PRLHR: variants seen among roughly 807,000 people sequenced by gnomAD.
The protein encoded by PRLHR is prolactin-releasing peptide receptor.
PRLHR carries 10 observed loss-of-function variants against 9.3 expected under a neutral mutation model. The ratio of observed to expected loss-of-function variants is 1.08; its 90% CI spans 0.66 to 1.82. The LOEUF is 1.82. Ranked by LOEUF, PRLHR falls within the 40% of genes most tolerant of loss-of-function variation. PRLHR has a pLI of 0.00. For missense variants in PRLHR, 589 were observed against 512.0 expected (o/e 1.15, Z -1.45); for synonymous variants, 261 against 249.3 (o/e 1.05, Z -0.44).
rs1222918734 is a variant in PRLHR, at chr10:118,590,155, A to G, written c.*3977T>C. 3 of 152,214 alleles carry G rather than the reference A, an allele frequency of 2.0e-5. No homozygotes were observed. The highest frequency in any genetic ancestry group is 2.9e-5 in the Non-Finnish European group (2 of 68,044). The allele number at this position is 152,214 out of a possible 1,614,324, so 9.4% of individuals were successfully genotyped here. On this transcript the variant is annotated 3_prime_UTR_variant, in exon 2 of 2. Transcript: ENST00000239032. ...ATCAATCAAGAACCTGCCTTGGGAA[A>G]CAAAGGTGCTCCTGACCTCTCGTCT...
In PRLHR at chr10:118,593,991, C is replaced by A. The variant is rs762288465; in HGVS notation, c.*141G>T. ...CACAAGGACAAGACAGACAGCCGGA[C>A]AAGAGGGCTGGGCTGGAAATGTTGC... is the stretch of plus-strand genomic sequence containing the variant. On this transcript the variant is annotated 3_prime_UTR_variant, in exon 2 of 2. Transcript: ENST00000239032. 1.5e-6 allele frequency: 2 copies of A among 1,315,740 alleles called. No individual in the cohort carries two copies. Among genetic ancestry groups the A allele is most frequent in the South Asian group, 2.3e-5 (1 of 43,738 alleles). 81.5% of individuals were successfully genotyped at this position (1,315,740 alleles called of 1,614,324 possible). A position where few individuals can be genotyped will look rare whatever the true frequency, so the allele number is the denominator to read the frequency against.
chr10:118,594,676 A>AGCACCGCGGACAGCGCCC lies in PRLHR; in HGVS notation c.551_568dup (p.Val189_Leu190insArgAlaLeuSerAlaVal). 2 of 1,586,996 alleles carry AGCACCGCGGACAGCGCCC rather than the reference A, an allele frequency of 1.3e-6. No homozygotes were observed. The highest frequency in any genetic ancestry group is 1.7e-6 in the Non-Finnish European group (2 of 1,169,868). On this transcript the variant is annotated inframe_insertion, in exon 2 of 2. Coordinates refer to ENST00000239032, the MANE Select transcript of PRLHR (RefSeq NM_004248.3). ...GGTGTGCACGGCGGCGGGCAGCGCCAGCACCGCGGACAGCGCCCAGATGGC... is the reference window on the plus strand; with the variant it reads ...GGTGTGCACGGCGGCGGGCAGCGCCAGCACCGCGGACAGCGCCCGCACCGCGGACAGCGCCCAGATGGC...
At position 118,594,967 on chromosome 10, in the gene PRLHR, T is replaced by C. The variant is rs1844478550; in HGVS notation, c.278A>G (p.Asn93Ser). 1 of 1,613,646 alleles carries C rather than the reference T, an allele frequency of 6.2e-7. No individual in the cohort carries two copies. ...LVIARVRRLH[N>S]VTNFLIGNLA... ...GTTGCCGATGAGGAAGTTCGTCACG[T>C]TGTGCAGCCGGCGCACCCGCGCGAT... The change falls in exon 2 of 2, where the codon AAC (asparagine) becomes AGC (serine). Residue 93 changes from asparagine (N) to serine (S), a missense_variant. Transcript: ENST00000239032.
Position 118,595,021 on chromosome 10 carries a change from A to G in PRLHR, c.224T>C (p.Leu75Pro). The G allele has an allele frequency of 6.2e-7, 1 of 1,612,692 alleles. No individual in the cohort carries two copies. Among genetic ancestry groups the G allele is most frequent in the Non-Finnish European group, 8.5e-7 (1 of 1,179,358 alleles). Residue 75 changes from leucine (L) to proline (P), a missense_variant, in exon 2 of 2, where the codon CTG becomes CCG. Leu to Pro is a moderately conservative substitution (Grantham distance 98). Transcript: ENST00000239032. ...LLYSVVVVVG[L>P]VGNCLLVLVI... ...CAGCACCAGCAGGCAGTTGCCCACC[A>G]GCCCCACGACCACCACGACGCTGTA...
rs2133394066 is a variant in PRLHR, at chr10:118,594,771, G to A, written c.474C>T (p.Asp158=). 1 of 1,611,074 alleles carries A rather than the reference G, an allele frequency of 6.2e-7. No homozygotes were observed. ...GCGGGTGCACCAGCACGACGTAGCG[G>A]TCCACTGCGATGGTGGTGAGCGTGA... ...SVFTLTTIAV[D]RYVVLVHPLR... Residue 158 remains aspartate (D), a synonymous_variant, in exon 2 of 2, where the codon GAC becomes GAT. Transcript: ENST00000239032.
rs771908135 is a variant in PRLHR, at chr10:118,594,624, G to C, written c.621C>G (p.Asp207Glu). The part of the protein sequence containing the change: ...HTYHVELKPH[D>E]VRLCEEFWGS... ...CCCAGAACTCCTCGCAGAGGCGCACGTCGTGCGGCTTGAGCTCCACGTGAT... is the reference window on the plus strand; with the variant it reads ...CCCAGAACTCCTCGCAGAGGCGCACCTCGTGCGGCTTGAGCTCCACGTGAT... Residue 207 changes from aspartate (D) to glutamate (E), a missense_variant, in exon 2 of 2, where the codon GAC (aspartate) becomes GAG (glutamate). By Grantham distance (45) the Asp-to-Glu change is conservative. Coordinates refer to ENST00000239032, the MANE Select transcript of PRLHR (RefSeq NM_004248.3). 1.3e-6 allele frequency: 2 copies of C among 1,578,930 alleles called. No homozygotes were observed. The highest frequency in any genetic ancestry group is 1.7e-6 in the Non-Finnish European group (2 of 1,164,580).
At position 118,595,236 on chromosome 10, in the gene PRLHR, T is replaced by C. The variant is rs761382115; in HGVS notation, c.9A>G (p.Ser3=). The stretch of plus-strand genomic sequence containing the variant: ...AAACCCTGGGGCCCCGAGTGGTCGA[T>C]GAGGCCATGGCCACCTGTTCAAAGG... MA[S]STTRGPRVSD... The change falls in exon 2 of 2, where the codon TCA becomes TCG. Residue 3 remains serine (S), a synonymous_variant. Transcript: ENST00000239032. 7.8e-6 allele frequency: 12 copies of C among 1,529,744 alleles called. No homozygotes were observed. The highest frequency in any genetic ancestry group is 1.8e-4 in the Middle Eastern group (1 of 5,708). 94.8% of individuals were successfully genotyped at this position (1,529,744 alleles called of 1,614,324 possible). A position where few individuals can be genotyped will look rare whatever the true frequency, so the allele number is the denominator to read the frequency against.
Position 118,593,865 on chromosome 10 carries a change from A to T in PRLHR, c.*267T>A. On this transcript the variant is annotated 3_prime_UTR_variant, in exon 2 of 2. Transcript: ENST00000239032. Reference sequence around the variant, plus strand: ...GGAGAAAAAGTTTTGTTTGTCCTTCAAGGGCATAAAGAAGAAATAAGAAAT... The same window carrying T: ...GGAGAAAAAGTTTTGTTTGTCCTTCTAGGGCATAAAGAAGAAATAAGAAAT... The T allele has an allele frequency of 2.6e-6, 1 of 390,108 alleles. No individual in the cohort carries two copies. Among genetic ancestry groups the T allele is most frequent in the Non-Finnish European group, 4.1e-6 (1 of 243,544 alleles). The allele number at this position is 390,108 out of a possible 1,614,324, so 24.2% of individuals were successfully genotyped here.
In PRLHR at chr10:118,590,337, CT is replaced by C. The variant is rs1844421678; in HGVS notation, c.*3794del. 1 of 152,196 alleles carries C rather than the reference CT, an allele frequency of 6.6e-6. No individual in the cohort carries two copies. Among genetic ancestry groups the C allele is most frequent in the Non-Finnish European group, 1.5e-5 (1 of 68,038 alleles). 9.4% of individuals were successfully genotyped at this position (152,196 alleles called of 1,614,324 possible). A position where few individuals can be genotyped will look rare whatever the true frequency, so the allele number is the denominator to read the frequency against. On this transcript the variant is annotated 3_prime_UTR_variant, in exon 2 of 2. Coordinates refer to ENST00000239032, the MANE Select transcript of PRLHR (RefSeq NM_004248.3). ...CTGAGAAAATAAACCTGGAACTTAG[CT>C]ATCCCAGTAAAACAGCAGATTGAAA... is the stretch of plus-strand genomic sequence containing the variant.
chr10:118,594,727 AGCGAGATGCGCC>A lies in PRLHR; in HGVS notation c.506_517del (p.Arg169_Ser172del). Reference sequence around the variant, plus strand: ...CAGCACAGCGTAGGCGCTGAGGCGCAGCGAGATGCGCCGCCTCAGCGGGTGCACCAGCACGAC... The same window carrying A: ...CAGCACAGCGTAGGCGCTGAGGCGCAGCCTCAGCGGGTGCACCAGCACGAC... On this transcript the variant is annotated inframe_deletion, in exon 2 of 2. Transcript: ENST00000239032. The A allele has an allele frequency of 6.2e-7, 1 of 1,604,384 alleles. No individual in the cohort carries two copies. The highest frequency in any genetic ancestry group is 1.1e-5 in the South Asian group (1 of 90,720).
rs1250924228 is a variant in PRLHR at position 118,590,505 on chromosome 10, T to G, written c.*3627A>C. Reference sequence around the variant, plus strand: ...CAGTTTAATGAGATAAATCTATTGATTGGCTGCCAAAAGTGTGACCTGGTG... The same window carrying G: ...CAGTTTAATGAGATAAATCTATTGAGTGGCTGCCAAAAGTGTGACCTGGTG... On this transcript the variant is annotated 3_prime_UTR_variant, in exon 2 of 2. Coordinates refer to ENST00000239032, the MANE Select transcript of PRLHR (RefSeq NM_004248.3). 1.3e-5 allele frequency: 2 copies of G among 152,212 alleles called. No individual in the cohort carries two copies. Among genetic ancestry groups the G allele is most frequent in the Admixed American group, 1.3e-4 (2 of 15,286 alleles). 9.4% of individuals were successfully genotyped at this position (152,212 alleles called of 1,614,324 possible).
At position 118,590,325 on chromosome 10, in the gene PRLHR, C is replaced by G. The variant is rs1347586908; in HGVS notation, c.*3807G>C. On this transcript the variant is annotated 3_prime_UTR_variant, in exon 2 of 2. Transcript: ENST00000239032. Reference sequence around the variant, plus strand: ...GGGTGAGCCTACCTGAGAAAATAAACCTGGAACTTAGCTATCCCAGTAAAA... The same window carrying G: ...GGGTGAGCCTACCTGAGAAAATAAAGCTGGAACTTAGCTATCCCAGTAAAA... 2 of 152,192 alleles carry G rather than the reference C, an allele frequency of 1.3e-5. No homozygotes were observed. The highest frequency in any genetic ancestry group is 2.9e-5 in the Non-Finnish European group (2 of 68,034). 9.4% of individuals were successfully genotyped at this position (152,192 alleles called of 1,614,324 possible). A position where few individuals can be genotyped will look rare whatever the true frequency, so the allele number is the denominator to read the frequency against.
chr10:118,594,543 G>T lies in PRLHR; in HGVS notation c.702C>A (p.Tyr234Ter), dbSNP rs1306753595. 2 of 1,568,902 alleles carry T rather than the reference G, an allele frequency of 1.3e-6. No homozygotes were observed. The highest frequency in any genetic ancestry group is 1.9e-5 in the Admixed American group (1 of 53,806). The change falls in exon 2 of 2, where the codon TAC becomes TAA. Residue 234 changes from tyrosine (Y) to a stop codon, truncating the protein, a stop_gained. Coordinates refer to ENST00000239032, the MANE Select transcript of PRLHR (RefSeq NM_004248.3). LOFTEE classifies it low-confidence loss of function (END_TRUNC). ...GGAGGATGACCAGCAGAGGGAGCAG[G>T]TAGGTGACCAGCAGCAGCCCCCAGG... ...LYAWGLLLVT[Y>*]LLPLLVILLS...
Position 118,593,883 on chromosome 10 carries a change from T to C in PRLHR, c.*249A>G. On this transcript the variant is annotated 3_prime_UTR_variant, in exon 2 of 2. Coordinates refer to ENST00000239032, the MANE Select transcript of PRLHR (RefSeq NM_004248.3). ...GTCCTTCAAGGGCATAAAGAAGAAATAAGAAATCCTCTTCCCTCTCTTTGG... is the reference window on the plus strand; with the variant it reads ...GTCCTTCAAGGGCATAAAGAAGAAACAAGAAATCCTCTTCCCTCTCTTTGG... 1 of 472,968 alleles carries C rather than the reference T, an allele frequency of 2.1e-6. No homozygotes were observed. The highest frequency in any genetic ancestry group is 3.2e-6 in the Non-Finnish European group (1 of 309,262). The allele number at this position is 472,968 out of a possible 1,614,324, so 29.3% of individuals were successfully genotyped here. A position where few individuals can be genotyped will look rare whatever the true frequency, so the allele number is the denominator to read the frequency against.
rs1205201156 is a variant in PRLHR at position 118,591,158 on chromosome 10, G to T, written c.*2974C>A. The T allele has an allele frequency of 4.6e-5, 7 of 152,024 alleles. No individual in the cohort carries two copies. The highest frequency in any genetic ancestry group is 4.6e-4 in the Admixed American group (7 of 15,272). 9.4% of individuals were successfully genotyped at this position (152,024 alleles called of 1,614,324 possible). The stretch of plus-strand genomic sequence containing the variant: ...TTTGCTCTGTCACTGAGACTGGAGT[G>T]CAGTGGTGTAATGATAGCTCACTGC... On this transcript the variant is annotated 3_prime_UTR_variant, in exon 2 of 2. Transcript: ENST00000239032.
rs759397071 is a variant in PRLHR at position 118,595,131 on chromosome 10, C to G, written c.114G>C (p.Ser38=). The change falls in exon 2 of 2, where the codon TCG becomes TCC. Residue 38 remains serine (S), a synonymous_variant. Transcript: ENST00000239032. The stretch of plus-strand genomic sequence containing the variant: ...CGGCTGGAGCGTCCGCGCCAGCCAC[C>G]GACCCGTTGCCCGCCGAGGCCTCTG... ...QSAEASAGNG[S]VAGADAPAVT... is the part of the protein sequence containing the mutation. 25 of 1,599,600 alleles carry G rather than the reference C, an allele frequency of 1.6e-5. No homozygotes were observed. The highest frequency in any genetic ancestry group is 2.0e-5 in the Non-Finnish European group (24 of 1,175,810).
chr10:118,594,926 C>T lies in PRLHR; in HGVS notation c.319G>A (p.Val107Met), dbSNP rs1480953927. Reference sequence around the variant, plus strand: ...GGCACGCAGGCGGTGCACATGAGCACGTCGGACAAGGCCAGGTTGCCGATG... The same window carrying T: ...GGCACGCAGGCGGTGCACATGAGCATGTCGGACAAGGCCAGGTTGCCGATG... ...FLIGNLALSDVLMCTACVPLT... is the reference protein window; with the variant it reads ...FLIGNLALSDMLMCTACVPLT... Residue 107 changes from valine (V) to methionine (M), a missense_variant, in exon 2 of 2, where the codon GTG (valine) becomes ATG (methionine). By Grantham distance (21) the Val-to-Met change is conservative. Coordinates refer to ENST00000239032, the MANE Select transcript of PRLHR (RefSeq NM_004248.3). 5 of 1,613,498 alleles carry T rather than the reference C, an allele frequency of 3.1e-6. No individual in the cohort carries two copies. In the African/African-American group the frequency reaches 6.7e-5, roughly 22 times the overall value.
rs1589783257 is a variant in PRLHR at position 118,591,078 on chromosome 10, T to G, written c.*3054A>C. The G allele has an allele frequency of 6.7e-6, 1 of 150,160 alleles. No homozygotes were observed. Among genetic ancestry groups the G allele is most frequent in the Non-Finnish European group, 1.5e-5 (1 of 67,696 alleles). The allele number at this position is 150,160 out of a possible 1,614,324, so 9.3% of individuals were successfully genotyped here. Reference sequence around the variant, plus strand: ...TTAAAATAATTCATGGTATGTAAATTTGTTTTTTGTTGTTTTTTGTTGTTT... The same window carrying G: ...TTAAAATAATTCATGGTATGTAAATGTGTTTTTTGTTGTTTTTTGTTGTTT... On this transcript the variant is annotated 3_prime_UTR_variant, in exon 2 of 2. Coordinates refer to ENST00000239032, the MANE Select transcript of PRLHR (RefSeq NM_004248.3).
chr10:118,593,536 A>G lies in PRLHR; in HGVS notation c.*596T>C, dbSNP rs1564810758. The G allele has an allele frequency of 6.6e-6, 1 of 152,236 alleles. No individual in the cohort carries two copies. The highest frequency in any genetic ancestry group is 1.5e-5 in the Non-Finnish European group (1 of 68,046). The allele number at this position is 152,236 out of a possible 1,614,324, so 9.4% of individuals were successfully genotyped here. A position where few individuals can be genotyped will look rare whatever the true frequency, so the allele number is the denominator to read the frequency against. ...GAGCTTGTAGGTGTTTTTGTACTATAAACTCAAGTGGTTTTAAAACGAAAC... is the reference window on the plus strand; with the variant it reads ...GAGCTTGTAGGTGTTTTTGTACTATGAACTCAAGTGGTTTTAAAACGAAAC... On this transcript the variant is annotated 3_prime_UTR_variant, in exon 2 of 2. Coordinates refer to ENST00000239032, the MANE Select transcript of PRLHR (RefSeq NM_004248.3).
Sources: gnomAD v4.1 joint callset for allele counts on GRCh38, gnomAD v4.1.1 for gene constraint, MANE v1.5 for transcripts, NCBI Gene and HGNC (gene_info 2026-07-23, HGNC 2026-07-21) for gene names.